Variants in SNAP47 observed in about 807,000 individuals in gnomAD.
The protein encoded by SNAP47 is synaptosomal-associated protein 47.
A neutral mutation model predicts 31.4 loss-of-function variants in SNAP47; 20 were observed. That is an observed-to-expected ratio of 0.64 (90% CI 0.45 to 0.93). The LOEUF (loss-of-function observed/expected upper bound fraction) is 0.93. Ranked by LOEUF, SNAP47 falls within the 40% of genes least tolerant of loss-of-function variation. SNAP47 has a pLI of 0.00. For synonymous variants in SNAP47, 194 were observed against 213.4 expected (o/e 0.91, Z 0.79); for missense variants, 492 against 528.5 (o/e 0.93, Z 0.68).
At chr1:227,746,982 C>T (rs542426726) in intron 1 of SNAP47, 1 of 152,346 alleles carries the variant, frequency 6.6e-6, no homozygotes, top group African/African-American at 2.4e-5. Context: ...TCAAATCTAT[C>T]ATCCAAGACT....
intron 3 of SNAP47, among the ~76,000 whole-genome samples, chr1:227,764,605 T>TA (rs5781496): frequency 2.6e-5 from 4 of 151,810 alleles, no homozygotes; most frequent in Middle Eastern, 3.2e-3. Flanking sequence ...CCCGTCTCTA[T>TA]AAAAAAATAC....
At chr1:227,756,539 T>G (rs1662706109) in intron 2 of SNAP47, among the ~76,000 whole-genome samples, 3 of 152,262 alleles carry the variant, frequency 2.0e-5, no homozygotes, top group Non-Finnish European at 4.4e-5. Flanking sequence ...GCCATTTAGA[T>G]CAGGCTCCTG....
At chr1:227,733,631 A>T, upstream of SNAP47, 1 of 1,604,626 alleles carries the variant, frequency 6.2e-7, no homozygotes, top group South Asian at 1.1e-5. Context: ...CCTCCCACAG[A>T]CATTGACAGA....
intron 4 of SNAP47, among the ~76,000 whole-genome samples, chr1:227,777,366 A>T (rs905779894): frequency 6.6e-6 from 1 of 152,180 alleles, no homozygotes; most frequent in Non-Finnish European, 1.5e-5. Context: ...CCTGGGGGAC[A>T]GGCGTCTTGT....
chr1:227,772,176 G>A (rs115905028), intron 4 of SNAP47, among the ~76,000 whole-genome samples: 1,725 of 152,280 alleles, frequency 0.011, 21 homozygotes, highest in African/African-American at 0.036. Context: ...GCAGTGGGGA[G>A]TTTCTCATTA....
At chr1:227,757,066 T>C (rs1371408152) in intron 2 of SNAP47, among the ~76,000 whole-genome samples, 1 of 152,248 alleles carries the variant, frequency 6.6e-6, no homozygotes, top group Non-Finnish European at 1.5e-5. Flanking sequence ...CTCTAGGAAT[T>C]GTTCCTTTCT....
upstream of SNAP47, chr1:227,735,082 G>A: frequency 3.2e-6 from 5 of 1,571,894 alleles, no homozygotes; most frequent in Non-Finnish European, 4.3e-6. Flanking sequence ...GGCTGCCCCA[G>A]CCCTGCGTGA....
In SNAP47 at chr1:227,747,870, T is replaced by C. The variant is rs370000908; in HGVS notation, c.134T>C (p.Leu45Pro). 1 of 1,614,076 alleles carries C rather than the reference T, an allele frequency of 6.2e-7. No individual in the cohort carries two copies. Among genetic ancestry groups the C allele is most frequent in the African/African-American group, 1.3e-5 (1 of 74,920 alleles). Residue 45 changes from leucine to proline, a missense_variant, in exon 2 of 5, where the codon CTG (leucine) becomes CCG (proline). Coordinates refer to ENST00000617596, the MANE Select transcript of SNAP47 (RefSeq NM_053052.4). ...ATGACTGACAGCACTGGAGAGATTCTGGTCAGCTTCCCCCTCTCCAGCATA... is the reference window on the plus strand; with the variant it reads ...ATGACTGACAGCACTGGAGAGATTCCGGTCAGCTTCCCCCTCTCCAGCATA... The part of the protein sequence containing the change: ...RFMTDSTGEI[L>P]VSFPLSSIVE...
Position 227,778,520 on chromosome 1 carries a change from G to GC in SNAP47, c.1114-2005dup, listed in dbSNP as rs140971467. Among the ~76,000 whole-genome samples, 676 of 152,380 alleles carry GC rather than the reference G, an allele frequency of 4.4e-3. 5 individuals are homozygous for GC. Among genetic ancestry groups the GC allele is most frequent in the African/African-American group, 0.015 (636 of 41,598 alleles). On this transcript the variant is annotated intron_variant, in intron 4 of 4. Coordinates refer to ENST00000617596, the MANE Select transcript of SNAP47 (RefSeq NM_053052.4). ...GATCCATGTCCCTGGCTTCCAGGAG[G>GC]CCTCCTCACAGGATGTGGGCACAGG...
At chr1:227,769,577 C>T (rs1216826072) in intron 4 of SNAP47, among the ~76,000 whole-genome samples, 3 of 152,098 alleles carry the variant, frequency 2.0e-5, no homozygotes, top group East Asian at 1.9e-4. Context: ...CATGCTGAAA[C>T]GTGTCCCAGT....
intron 4 of SNAP47, among the ~76,000 whole-genome samples, chr1:227,780,290 G>A (rs79016980): frequency 0.013 from 1,990 of 152,282 alleles, 25 homozygotes; most frequent in East Asian, 0.045. Context: ...CAGGAGGTGC[G>A]GGCAGGCAGC....
intron 2 of SNAP47, among the ~76,000 whole-genome samples, chr1:227,756,363 C>G (rs1662692661): frequency 6.6e-6 from 1 of 152,194 alleles, no homozygotes; most frequent in Admixed American, 6.5e-5. Context: ...ACCTTCAGTC[C>G]CCTTTCAGTT....
At chr1:227,748,905 C>T (rs543463548) in intron 2 of SNAP47, among the ~76,000 whole-genome samples, 6 of 152,238 alleles carry the variant, frequency 3.9e-5, no homozygotes, top group African/African-American at 1.2e-4. Context: ...GAATGCTTTT[C>T]TTTTTCCAAG....
intron 1 of SNAP47, among the ~76,000 whole-genome samples, chr1:227,740,666 A>C (rs1038923030): frequency 2.0e-5 from 3 of 152,198 alleles, no homozygotes; most frequent in Non-Finnish European, 4.4e-5. Context: ...TGGTTGGCCC[A>C]GACAATGCCT....
chr1:227,773,485 A>C (rs925749893), intron 4 of SNAP47, among the ~76,000 whole-genome samples: 2 of 152,218 alleles, frequency 1.3e-5, no homozygotes, highest in Non-Finnish European at 1.5e-5. Context: ...AAGACTTTTT[A>C]AAATAAATTT....
At chr1:227,755,909 T>C (rs1011428608) in intron 2 of SNAP47, among the ~76,000 whole-genome samples, 1 of 152,212 alleles carries the variant, frequency 6.6e-6, no homozygotes, top group East Asian at 1.9e-4. Context: ...TTTTAACCAA[T>C]TGCCATCTTT....
chr1:227,735,250 G>C (rs1661015860), upstream of SNAP47: 2 of 1,602,286 alleles, frequency 1.2e-6, no homozygotes, highest in Admixed American at 1.7e-5. Context: ...GGCTGTCGGC[G>C]AGGGCGCGCG....
At chr1:227,750,622 G>T (rs548275656) in intron 2 of SNAP47, among the ~76,000 whole-genome samples, 1 of 152,114 alleles carries the variant, frequency 6.6e-6, no homozygotes, top group South Asian at 2.1e-4. Flanking sequence ...GCCCTGGCTC[G>T]CTGCTGAGGG....
intron 3 of SNAP47, chr1:227,759,694 A>C: frequency 3.2e-6 from 2 of 632,222 alleles, no homozygotes; most frequent in African/African-American, 1.8e-5. Flanking sequence ...AATCACTGAG[A>C]GTTAACTGTA....
Sources: gnomAD v4.1 joint callset for allele counts (sites outside exome capture counted in the v4.1 genomes callset) on GRCh38, gnomAD v4.1.1 for gene constraint, MANE v1.5 for transcripts, NCBI Gene and HGNC (gene_info 2026-07-23, HGNC 2026-07-21) for gene names.